SLC39A11: variants seen among roughly 807,000 people sequenced by gnomAD.
SLC39A11 encodes the protein solute carrier family 39 member 11.
Under a neutral mutation model 36.1 loss-of-function variants are expected in SLC39A11, and 33 were observed. That is an observed-to-expected ratio of 0.91 (90% CI 0.69 to 1.22). SLC39A11 has a LOEUF of 1.22. Among genes scored for constraint, SLC39A11 ranks in the 50% most tolerant of loss-of-function variants. SLC39A11 has a pLI of 0.00. For synonymous variants in SLC39A11, 166 were observed against 170.3 expected, an observed-to-expected ratio of 0.97 and a Z score of 0.20; for missense variants, 432 against 430.3, an observed-to-expected ratio of 1.00 and a Z score of -0.03.
intron 7 of SLC39A11, among the ~76,000 whole-genome samples, chr17:72,652,640 AAG>A (rs2069904183): frequency 6.6e-6 from 1 of 152,172 alleles, no homozygotes; most frequent in South Asian, 2.1e-4. Flanking sequence ...TCCTCTTTCC[AAG>A]AGAGACTAAG....
intron 4 of SLC39A11, among the ~76,000 whole-genome samples, chr17:72,984,740 A>G (rs373588635): frequency 2.3e-4 from 35 of 152,366 alleles, no homozygotes; most frequent in African/African-American, 8.2e-4. Flanking sequence ...GTCTCACCGC[A>G]TCTGGTTACC....
chr17:73,035,133 T>TTTTTTG lies in SLC39A11; in HGVS notation c.148-3425_148-3420dup, dbSNP rs202063562. 1.3e-4 allele frequency among the ~76,000 whole-genome samples: 20 copies of TTTTTTG among 152,134 alleles called. No individual in the cohort carries two copies. The South Asian group carries it at 2.5e-3, about 19-fold the overall frequency. ...AGCACCCAAAGCAAAATTCTTTTTG[T>TTTTTTG]TTTTTGTTTTTGTTTTTGTTTTTGT... On this transcript the variant is annotated intron_variant, in intron 3 of 9. Transcript: ENST00000255559.
intron 7 of SLC39A11, among the ~76,000 whole-genome samples, chr17:72,670,865 T>C (rs370416478): frequency 1.3e-5 from 2 of 152,348 alleles, no homozygotes; most frequent in African/African-American, 4.8e-5. Flanking sequence ...CAAGAGGTTC[T>C]GGTCCCTTTT....
At chr17:72,820,098 TC>T (rs551948240) in intron 6 of SLC39A11, among the ~76,000 whole-genome samples, 5 of 151,376 alleles carry the variant, frequency 3.3e-5, no homozygotes, top group Non-Finnish European at 7.4e-5. Flanking sequence ...TTCTGTGACT[TC>T]CGTCAGTTTA....
intron 7 of SLC39A11, among the ~76,000 whole-genome samples, chr17:72,684,637 C>T (rs1443735964): frequency 6.6e-6 from 1 of 152,214 alleles, no homozygotes; most frequent in Non-Finnish European, 1.5e-5. Flanking sequence ...TTTATCGCGG[C>T]CACCACTATC....
intron 5 of SLC39A11, among the ~76,000 whole-genome samples, chr17:72,920,856 C>A (rs2083626025): frequency 6.6e-6 from 1 of 151,830 alleles, no homozygotes; most frequent in African/African-American, 2.4e-5. Flanking sequence ...ACTTCCCACC[C>A]CCTCTACAAC....
At chr17:72,827,715 C>T (rs2078091376) in intron 6 of SLC39A11, among the ~76,000 whole-genome samples, 1 of 152,146 alleles carries the variant, frequency 6.6e-6, no homozygotes, top group Admixed American at 6.5e-5. Flanking sequence ...ACAGATCCCT[C>T]AACCAGGGAA....
chr17:72,841,950 T>C (rs1305287975), intron 6 of SLC39A11, among the ~76,000 whole-genome samples: 5 of 150,984 alleles, frequency 3.3e-5, no homozygotes, highest in African/African-American at 9.7e-5. Context: ...TATGCACCTG[T>C]AGTCCCAGCT....
At chr17:72,873,807 C>T (rs1267397005) in intron 5 of SLC39A11, among the ~76,000 whole-genome samples, 1 of 152,182 alleles carries the variant, frequency 6.6e-6, no homozygotes, top group African/African-American at 2.4e-5. Flanking sequence ...CACAACAAAT[C>T]TCACTTTGAA....
intron 4 of SLC39A11, among the ~76,000 whole-genome samples, chr17:73,002,798 C>T (rs1173883981): frequency 6.6e-6 from 1 of 152,198 alleles, no homozygotes; most frequent in Non-Finnish European, 1.5e-5. Context: ...AATGTGTCAG[C>T]AGGGCCATGC....
intron 4 of SLC39A11, among the ~76,000 whole-genome samples, chr17:72,984,254 T>C (rs2088547002): frequency 6.6e-6 from 1 of 151,912 alleles, no homozygotes; most frequent in African/African-American, 2.4e-5. Context: ...GCACAGAGCA[T>C]GGGCAGAACA....
intron 6 of SLC39A11, among the ~76,000 whole-genome samples, chr17:72,814,388 C>A (rs1412455456): frequency 6.6e-6 from 1 of 152,194 alleles, no homozygotes; most frequent in Admixed American, 6.5e-5. Context: ...CAAGAACGGC[C>A]TTGGAGAGTT....
chr17:72,973,706 G>A (rs1185067188), intron 4 of SLC39A11, among the ~76,000 whole-genome samples: 1 of 152,122 alleles, frequency 6.6e-6, no homozygotes, highest in Non-Finnish European at 1.5e-5. Context: ...TCACAGGCAT[G>A]TGCCACCATG....
At chr17:72,939,226 C>T (rs977622371) in intron 5 of SLC39A11, among the ~76,000 whole-genome samples, 2 of 152,092 alleles carry the variant, frequency 1.3e-5, no homozygotes, top group Admixed American at 6.5e-5. Context: ...TCCGGGAGGC[C>T]GAGGTGGGTG....
At chr17:72,651,085 C>G (rs760505188) in intron 7 of SLC39A11, among the ~76,000 whole-genome samples, 1 of 152,186 alleles carries the variant, frequency 6.6e-6, no homozygotes, top group Non-Finnish European at 1.5e-5. Flanking sequence ...GCCCCCACCT[C>G]GAGTCTGCCA....
intron 7 of SLC39A11, among the ~76,000 whole-genome samples, chr17:72,662,671 G>A (rs376264743): frequency 9.9e-5 from 9 of 90,752 alleles, no homozygotes; most frequent in Non-Finnish European, 1.7e-4. Context: ...GAAAAAGGAA[G>A]GAAAAGAAGG....
At chr17:72,721,751 C>T (rs1321945086) in intron 7 of SLC39A11, among the ~76,000 whole-genome samples, 1 of 152,102 alleles carries the variant, frequency 6.6e-6, no homozygotes, top group African/African-American at 2.4e-5. Flanking sequence ...AGGCAGATCA[C>T]TTGAGTTCAG....
chr17:72,858,011 T>A (rs1339768788), intron 5 of SLC39A11, among the ~76,000 whole-genome samples: 1 of 152,260 alleles, frequency 6.6e-6, no homozygotes, highest in Non-Finnish European at 1.5e-5. Flanking sequence ...TCACTTTTGT[T>A]GCAATTGCTT....
intron 7 of SLC39A11, among the ~76,000 whole-genome samples, chr17:72,681,403 C>T (rs969752864): frequency 1.3e-5 from 2 of 152,142 alleles, no homozygotes; most frequent in African/African-American, 4.8e-5. Flanking sequence ...GCTATAGCTG[C>T]TGTGGGTGGA....
Sources: gnomAD v4.1 joint callset for allele counts (sites outside exome capture counted in the v4.1 genomes callset) on GRCh38, gnomAD v4.1.1 for gene constraint, MANE v1.5 for transcripts, NCBI Gene and HGNC (gene_info 2026-07-23, HGNC 2026-07-21) for gene names.